The following ZNF280D variants were observed in gnomAD, a reference collection of about 807,000 sequenced individuals.
The protein encoded by ZNF280D is suppressor of hairy wing homolog 4.
Under a neutral mutation model 94.7 loss-of-function variants are expected in ZNF280D, and 39 were observed. The ratio of observed to expected loss-of-function variants is 0.41; its 90% CI spans 0.32 to 0.54. The LOEUF is 0.54. Ranked by LOEUF, ZNF280D falls within the 20% of genes least tolerant of loss-of-function variation. The probability of loss-of-function intolerance (pLI) is 0.22; values close to 1 mark genes in which losing one functional copy is unlikely to be tolerated. For missense variants in ZNF280D, 1,090 were observed against 1,149.3 expected, an observed-to-expected ratio of 0.95 and a Z score of 0.75; for synonymous variants, 398 against 377.6, an observed-to-expected ratio of 1.05 and a Z score of -0.63.
intron 13 of ZNF280D, among the ~76,000 whole-genome samples, chr15:56,671,932 T>C (rs2054892989): frequency 6.6e-6 from 1 of 152,052 alleles, no homozygotes; most frequent in African/African-American, 2.4e-5. Flanking sequence ...ATTTCATTCT[T>C]TTTCTGGCCA....
At position 56,722,200 on chromosome 15, in the gene ZNF280D, T is replaced by A. The variant is rs567731355; in HGVS notation, c.-86+11258A>T. Among the ~76,000 whole-genome samples, 17 of 152,260 alleles carry A rather than the reference T, an allele frequency of 1.1e-4. No homozygotes were observed. In the South Asian group the frequency reaches 3.5e-3, roughly 32 times the overall value. On this transcript the variant is annotated intron_variant, in intron 1 of 21. Transcript: ENST00000267807. ...TTGCAGTGCCCCAAAACAATTACAA[T>A]AGTAACATTAAAGATCACTGATCAG...
At chr15:56,718,457 T>C (rs774306872) in intron 1 of ZNF280D, among the ~76,000 whole-genome samples, 1 of 152,210 alleles carries the variant, frequency 6.6e-6, no homozygotes, top group Non-Finnish European at 1.5e-5. Context: ...AGCATCATGA[T>C]AAATCAACTT....
intron 17 of ZNF280D, among the ~76,000 whole-genome samples, chr15:56,656,279 A>AT (rs1469592237): frequency 6.6e-6 from 1 of 152,182 alleles, no homozygotes; most frequent in Non-Finnish European, 1.5e-5. Context: ...CAATAAGAAT[A>AT]ATTACATTAA....
chr15:56,679,345 A>G (rs749187382), intron 10 of ZNF280D, among the ~76,000 whole-genome samples: 12 of 152,246 alleles, frequency 7.9e-5, no homozygotes, highest in Non-Finnish European at 1.5e-4. Context: ...ACAAATTACT[A>G]GTATTTTTAC....
chr15:56,732,645 G>A (rs1041855281), intron 1 of ZNF280D: 3 of 151,810 alleles, frequency 2.0e-5, no homozygotes, highest in Admixed American at 2.0e-4. Flanking sequence ...AAGGCCTTTG[G>A]CCAAAGGTCT....
chr15:56,681,833 T>C (rs1428842496), intron 10 of ZNF280D, among the ~76,000 whole-genome samples: 4 of 152,064 alleles, frequency 2.6e-5, no homozygotes, highest in Non-Finnish European at 5.9e-5. Context: ...CTAAAAACTA[T>C]AAATATAAAT....
intron 11 of ZNF280D, among the ~76,000 whole-genome samples, chr15:56,678,032 G>A (rs2055359059): frequency 6.9e-6 from 1 of 145,336 alleles, no homozygotes; most frequent in Admixed American, 6.9e-5. Context: ...TTTGGAGACA[G>A]TATCTTGCTC....
chr15:56,702,473 G>C (rs1296621626), intron 4 of ZNF280D, among the ~76,000 whole-genome samples: 3 of 151,946 alleles, frequency 2.0e-5, no homozygotes, highest in Non-Finnish European at 2.9e-5. Flanking sequence ...ATTCTGTTGG[G>C]GTTAATCCCC....
chr15:56,679,747 G>A (rs1027060723), intron 10 of ZNF280D, among the ~76,000 whole-genome samples: 2 of 152,272 alleles, frequency 1.3e-5, no homozygotes, highest in African/African-American at 2.4e-5. Flanking sequence ...AAGTGATAAT[G>A]TCATCAATCT....
chr15:56,633,051 G>A (rs1404545335), intron 21 of ZNF280D, among the ~76,000 whole-genome samples: 2 of 152,018 alleles, frequency 1.3e-5, no homozygotes, highest in Non-Finnish European at 1.5e-5. Flanking sequence ...CACAAAATAT[G>A]AGAAACAAGA....
At chr15:56,690,641 T>C (rs1401641681) in intron 7 of ZNF280D, among the ~76,000 whole-genome samples, 2 of 152,150 alleles carry the variant, frequency 1.3e-5, no homozygotes, top group Non-Finnish European at 1.5e-5. Flanking sequence ...GGCTGAAGGA[T>C]TTTAGTTTTA....
intron 16 of ZNF280D, among the ~76,000 whole-genome samples, chr15:56,663,806 A>C (rs1409614221): frequency 6.6e-6 from 1 of 152,178 alleles, no homozygotes; most frequent in Non-Finnish European, 1.5e-5. Context: ...AGGCTAACAC[A>C]GGAGGATCAC....
chr15:56,704,057 C>G, intron 4 of ZNF280D, 64 bp downstream of exon 4: 2 of 1,577,576 alleles, frequency 1.3e-6, no homozygotes, highest in South Asian at 1.1e-5. Flanking sequence ...TTAAACAGTT[C>G]ACAAGTTTTT....
rs1596377671 is a variant in ZNF280D at position 56,658,518 on chromosome 15, A to C, written c.1995-32T>G. 2.7e-6 allele frequency: 4 copies of C among 1,456,056 alleles called. No homozygotes were observed. In the East Asian group the frequency reaches 7.3e-5, roughly 27 times the overall value. The allele number at this position is 1,456,056 out of a possible 1,614,324, so 90.2% of individuals were successfully genotyped here. On this transcript the variant is annotated intron_variant, in intron 16 of 21. Coordinates refer to ENST00000267807, the MANE Select transcript of ZNF280D (RefSeq NM_017661.4). ...AAACAAAAGAGATAGTAAAAATTTT[A>C]TTATACAATAAGTCACATTAATTTA...
intron 19 of ZNF280D, among the ~76,000 whole-genome samples, chr15:56,645,610 G>T (rs1838931222): frequency 6.6e-6 from 1 of 152,136 alleles, no homozygotes; most frequent in Non-Finnish European, 1.5e-5. Context: ...GCAATGGCAT[G>T]ATCTCGGCTC....
chr15:56,708,808 T>G (rs1268075083), intron 1 of ZNF280D, among the ~76,000 whole-genome samples: 1 of 151,968 alleles, frequency 6.6e-6, no homozygotes, highest in African/African-American at 2.4e-5. Context: ...TAGCCATATG[T>G]AGAAAGCTGA....
intron 17 of ZNF280D, among the ~76,000 whole-genome samples, chr15:56,656,266 T>TA (rs1446577810): frequency 6.6e-6 from 1 of 152,210 alleles, no homozygotes; most frequent in Non-Finnish European, 1.5e-5. Context: ...GAATAGTCTA[T>TA]TTCAATAAGA....
intron 19 of ZNF280D, among the ~76,000 whole-genome samples, chr15:56,646,985 T>C (rs2052925534): frequency 6.6e-6 from 1 of 152,184 alleles, no homozygotes; most frequent in Admixed American, 6.5e-5. Context: ...TGGTCTCATA[T>C]CACTGAAATG....
At chr15:56,711,058 T>C (rs73425629) in intron 1 of ZNF280D, among the ~76,000 whole-genome samples, 6,010 of 152,294 alleles carry the variant, frequency 0.039, 389 homozygotes, top group African/African-American at 0.13. Context: ...TCAAAATCTA[T>C]TGTATACTTT....
Sources: allele counts gnomAD v4.1 joint callset (sites outside exome capture counted in the v4.1 genomes callset), GRCh38; gene constraint gnomAD v4.1.1; transcripts MANE v1.5; gene names NCBI Gene and HGNC (gene_info 2026-07-23, HGNC 2026-07-21).